TRMT2A: variants seen among roughly 807,000 people sequenced by gnomAD.
TRMT2A encodes the protein tRNA methyltransferase 2A.
TRMT2A carries 60 observed loss-of-function variants against 59.3 expected under a neutral mutation model. The observed-to-expected ratio is 1.01, with a 90% CI of 0.82 to 1.26. The LOEUF (loss-of-function observed/expected upper bound fraction) is 1.26. Among genes scored for constraint, TRMT2A ranks in the 50% most tolerant of loss-of-function variants. TRMT2A has a pLI of 0.00. For missense variants in TRMT2A, 863 were observed against 845.2 expected, an observed-to-expected ratio of 1.02 and a Z score of -0.26; for synonymous variants, 403 against 353.7, an observed-to-expected ratio of 1.14 and a Z score of -1.56.
Position 20,114,682 on chromosome 22 carries a change from C to A in TRMT2A, c.1125G>T (p.Lys375Asn), listed in dbSNP as rs775132876. 97 of 1,613,410 alleles carry A rather than the reference C, an allele frequency of 6.0e-5. No homozygotes were observed. Among genetic ancestry groups the A allele is most frequent in the Non-Finnish European group, 8.0e-5 (94 of 1,179,984 alleles). ...CLYFVEEGQR[K>N]TPSQEGLPLE... ...GGGGCAGGCCCTCCTGGCTAGGAGTCTTTCTGTGGGCGAAGGTGCAGGTCC... is the reference window on the plus strand; with the variant it reads ...GGGGCAGGCCCTCCTGGCTAGGAGTATTTCTGTGGGCGAAGGTGCAGGTCC... Residue 375 changes from lysine to asparagine, a missense_variant, in exon 7 of 12, where the codon AAG becomes AAT. Transcript: ENST00000252136.
Position 20,114,674 on chromosome 22 carries a change from C to G in TRMT2A, c.1133G>C (p.Ser378Thr). 1 of 1,613,546 alleles carries G rather than the reference C, an allele frequency of 6.2e-7. No individual in the cohort carries two copies. The highest frequency in any genetic ancestry group is 8.5e-7 in the Non-Finnish European group (1 of 1,179,998). ...FVEEGQRKTPSQEGLPLEHVA... is the reference protein window; with the variant it reads ...FVEEGQRKTPTQEGLPLEHVA... The stretch of plus-strand genomic sequence containing the variant: ...ATGCTCCAGGGGCAGGCCCTCCTGG[C>G]TAGGAGTCTTTCTGTGGGCGAAGGT... Residue 378 changes from serine (S) to threonine (T), a missense_variant, in exon 7 of 12, where the codon AGC (serine) becomes ACC (threonine). Transcript: ENST00000252136.
At position 20,114,807 on chromosome 22, in the gene TRMT2A, T is replaced by C. The variant is rs77255694; in HGVS notation, c.1075A>G (p.Arg359Gly). Residue 359 changes from arginine (R) to glycine (G), a missense_variant, in exon 6 of 12, where the codon AGG becomes GGG. Physicochemically the swap from Arg to Gly is moderately radical, Grantham distance 125. Transcript: ENST00000252136. The part of the protein sequence containing the change: ...LAQHFTAGPG[R>G]ASGVTCLYFV... Reference sequence around the variant, plus strand: ...TAGAGGCAGGTCACTCCACTGGCCCTGCCTGGCCCTGCTGTGAAGTGCTGC... The same window carrying C: ...TAGAGGCAGGTCACTCCACTGGCCCCGCCTGGCCCTGCTGTGAAGTGCTGC... The C allele has an allele frequency of 3.5e-4, 568 of 1,609,978 alleles. 6 individuals carry two copies. In the East Asian group the frequency reaches 0.013, roughly 36 times the overall value.
chr22:20,114,941 C>G (rs189024426), intron 5 of TRMT2A, 24 bp downstream of exon 5: 1 of 1,572,550 alleles, frequency 6.4e-7, no homozygotes, highest in Middle Eastern at 1.7e-4. Flanking sequence ...AGGCACCCTC[C>G]CCCAGCAGGG....
rs1427652596 is a variant in TRMT2A at position 20,116,553 on chromosome 22, G to A, written c.84C>T (p.Thr28=). The stretch of plus-strand genomic sequence containing the variant: ...CCGGGGCTGCAGGGGGCACCGAGAC[G>A]GTAGGGCAGCTCAGGGCACTGCTGC... ...QESSSALSCP[T]VSVPPAAPAA... The change falls in exon 2 of 12, where the codon ACC becomes ACT. Residue 28 remains threonine (T), a synonymous_variant. Coordinates refer to ENST00000252136, the MANE Select transcript of TRMT2A (RefSeq NM_022727.6). 12 of 1,593,388 alleles carry A rather than the reference G, an allele frequency of 7.5e-6. No individual in the cohort carries two copies. The highest frequency in any genetic ancestry group is 1.1e-5 in the South Asian group (1 of 89,400).
rs1474830669 is a variant in TRMT2A at position 20,116,075 on chromosome 22, G to A, written c.562C>T (p.Gln188Ter). The A allele has an allele frequency of 1.9e-6, 3 of 1,579,988 alleles. No homozygotes were observed. The highest frequency in any genetic ancestry group is 1.8e-5 in the Admixed American group (1 of 57,100). The change falls in exon 2 of 12, where the codon CAG becomes TAG. Residue 188 changes from glutamine to a stop codon, truncating the protein, a stop_gained. Transcript: ENST00000252136. LOFTEE classifies it high-confidence loss of function. ...TGCAGCACCTGCTCGCACTCCAGCT[G>A]CTTCCGCTCAAGCTGCTCAGCATAG... ...VPYAEQLERK[Q>*]LECEQVLQKL... is the part of the protein sequence containing the mutation.
chr22:20,113,405 A>ACCCCC, intron 9 of TRMT2A, 27 bp downstream of exon 9: 1 of 597,490 alleles, frequency 1.7e-6, no homozygotes, highest in Non-Finnish European at 2.6e-6. Flanking sequence ...CCCCATCCCC[A>ACCCCC]CCCCCACCCA....
At position 20,113,775 on chromosome 22, in the gene TRMT2A, C is replaced by T. The variant is rs2147956146; in HGVS notation, c.1267G>A (p.Val423Ile). Reference sequence around the variant, plus strand: ...TCCAATTGGGCCCAGTCCTGGATGACTGTGTAGAGCACCTCGGCTGCGGGT... The same window carrying T: ...TCCAATTGGGCCCAGTCCTGGATGATTGTGTAGAGCACCTCGGCTGCGGGT... ...NTPAAEVLYT[V>I]IQDWAQLDAG... Residue 423 changes from valine (V) to isoleucine (I), a missense_variant, in exon 8 of 12, where the codon GTC becomes ATC. Transcript: ENST00000252136. The T allele has an allele frequency of 1.9e-6, 3 of 1,603,258 alleles. No individual in the cohort carries two copies. Among genetic ancestry groups the T allele is most frequent in the Non-Finnish European group, 2.6e-6 (3 of 1,174,112 alleles).
At chr22:20,113,362 G>T in intron 9 of TRMT2A, 70 bp downstream of exon 9, 1 of 1,556,228 alleles carries the variant, frequency 6.4e-7, no homozygotes, top group Non-Finnish European at 8.7e-7. Context: ...AGCCCTGGCT[G>T]TGGCTGAGGC....
In TRMT2A at chr22:20,116,117, G is replaced by A. The variant is rs775866586; in HGVS notation, c.520C>T (p.Pro174Ser). The change falls in exon 2 of 12, where the codon CCT (proline) becomes TCT (serine). Residue 174 changes from proline to serine, a missense_variant. Transcript: ENST00000252136. Reference protein sequence around the residue: ...PVTRVADVVTPLWTVPYAEQL... With the variant: ...PVTRVADVVTSLWTVPYAEQL... ...TCAGCATAGGGCACTGTCCATAGAG[G>A]GGTCACCACGTCGGCCACTCGTGTT... 1 of 1,612,418 alleles carries A rather than the reference G, an allele frequency of 6.2e-7. No individual in the cohort carries two copies. Among genetic ancestry groups the A allele is most frequent in the Admixed American group, 1.7e-5 (1 of 59,974 alleles).
At chr22:20,114,486 C>A in intron 7 of TRMT2A, 88 bp downstream of exon 7, 1 of 1,116,108 alleles carries the variant, frequency 9.0e-7, no homozygotes, top group South Asian at 1.2e-5. Context: ...CAAATCTCAC[C>A]GCCTGAGCCC....
chr22:20,114,726 G>A (rs772819954), intron 6 of TRMT2A, 35 bp downstream of exon 6: 3 of 1,610,212 alleles, frequency 1.9e-6, no homozygotes, highest in Non-Finnish European at 2.5e-6. Context: ...CACAGTCCCT[G>A]CAGGGACCTG....
In TRMT2A at chr22:20,114,615, G is replaced by C. The variant is rs756828701; in HGVS notation, c.1192C>G (p.Leu398Val). 1.9e-6 allele frequency: 3 copies of C among 1,613,770 alleles called. No individual in the cohort carries two copies. Among genetic ancestry groups the C allele is most frequent in the Non-Finnish European group, 2.5e-6 (3 of 1,180,006 alleles). Residue 398 changes from leucine to valine, a missense_variant, in exon 7 of 12, where the codon CTA becomes GTA. By Grantham distance (32) the Leu-to-Val change is conservative. Coordinates refer to ENST00000252136, the MANE Select transcript of TRMT2A (RefSeq NM_022727.6). ...AGDRCIHEDL[L>V]GLTFRISPHA... Reference sequence around the variant, plus strand: ...GGAGAGATCCGGAAGGTCAGCCCTAGCAGGTCCTCGTGGATGCACCGGTCC... The same window carrying C: ...GGAGAGATCCGGAAGGTCAGCCCTACCAGGTCCTCGTGGATGCACCGGTCC...
At chr22:20,116,862 C>T (rs748193571) in intron 1 of TRMT2A, 21 bp downstream of exon 1, 8 of 1,602,750 alleles carry the variant, frequency 5.0e-6, no homozygotes, top group Admixed American at 3.4e-5. Flanking sequence ...CGTCTCTACC[C>T]AGCGTCTCCC....
rs372566147 is a variant in TRMT2A, at chr22:20,116,593, C to T, written c.44G>A (p.Ser15Asn). The T allele has an allele frequency of 4.3e-5, 66 of 1,552,052 alleles. No homozygotes were observed. The African/African-American group carries it at 7.0e-4, about 17-fold the overall frequency. ...GGCACTGCTGCTCTCCTGGCCACAG[C>T]TCTCCATGGGCTTCGGGCCCTGTGT... Reference protein sequence around the residue: ...LDNEGPKPMESCGQESSSALS... With the variant: ...LDNEGPKPMENCGQESSSALS... Residue 15 changes from serine to asparagine, a missense_variant, in exon 2 of 12, where the codon AGC becomes AAC. By Grantham distance (46) the Ser-to-Asn change is conservative (BLOSUM62 1). Transcript: ENST00000252136.
At position 20,117,015 on chromosome 22, in the gene TRMT2A, G is replaced by A. The variant is rs1161395224; in HGVS notation, c.-109C>T. The stretch of plus-strand genomic sequence containing the variant: ...GCCTGTCACAAGGGAAGTGCTCAGA[G>A]GGGAGGTGCTCACAGAGCCGGTGCA... On this transcript the variant is annotated 5_prime_UTR_variant, in exon 1 of 12. Coordinates refer to ENST00000252136, the MANE Select transcript of TRMT2A (RefSeq NM_022727.6). 5 of 1,422,178 alleles carry A rather than the reference G, an allele frequency of 3.5e-6. No individual in the cohort carries two copies. Among genetic ancestry groups the A allele is most frequent in the African/African-American group, 2.8e-5 (2 of 70,442 alleles). 88.1% of individuals were successfully genotyped at this position (1,422,178 alleles called of 1,614,324 possible).
Position 20,116,523 on chromosome 22 carries a change from G to A in TRMT2A, c.114C>T (p.Ala38=). The change falls in exon 2 of 12, where the codon GCC becomes GCT. Residue 38 remains alanine (A), a synonymous_variant. Transcript: ENST00000252136. ...TVSVPPAAPA[A]LEEVEKEGAG... is the part of the protein sequence containing the mutation. ...CGCCCTCTTTCTCCACCTCCTCCAGGGCTGCCGGGGCTGCAGGGGGCACCG... is the reference window on the plus strand; with the variant it reads ...CGCCCTCTTTCTCCACCTCCTCCAGAGCTGCCGGGGCTGCAGGGGGCACCG... 6.2e-7 allele frequency: 1 copy of A among 1,608,370 alleles called. No homozygotes were observed. The highest frequency in any genetic ancestry group is 8.5e-7 in the Non-Finnish European group (1 of 1,178,444).
Position 20,112,708 on chromosome 22 carries a change from G to A in TRMT2A, c.1733C>T (p.Pro578Leu), listed in dbSNP as rs142476770. ...AAACAGGATGAGCATCTCACAGTGC[G>A]GGGTCTGCGGGAACAGGTCCACTGC... ...AVAVDLFPQT[P>L]HCEMLILFER... Residue 578 changes from proline to leucine, a missense_variant, in exon 12 of 12, where the codon CCG (proline) becomes CTG (leucine). Coordinates refer to ENST00000252136, the MANE Select transcript of TRMT2A (RefSeq NM_022727.6). 3.0e-5 allele frequency: 49 copies of A among 1,613,994 alleles called. No homozygotes were observed. The Middle Eastern group carries it at 6.6e-4, about 22-fold the overall frequency.
Position 20,112,535 on chromosome 22 carries a change from G to A in TRMT2A, c.*28C>T. On this transcript the variant is annotated 3_prime_UTR_variant, in exon 12 of 12. Coordinates refer to ENST00000252136, the MANE Select transcript of TRMT2A (RefSeq NM_022727.6). ...CCCCTGGGGCCCTGGGAGCCCTTCA[G>A]CTCCTGTCCCCATAATGGGTCCTGG... 6.2e-7 allele frequency: 1 copy of A among 1,607,866 alleles called. No individual in the cohort carries two copies. Among genetic ancestry groups the A allele is most frequent in the Admixed American group, 1.7e-5 (1 of 59,652 alleles).
In TRMT2A at chr22:20,113,452, C is replaced by T. The variant is rs545196562; in HGVS notation, c.1412G>A (p.Arg471Gln). The T allele has an allele frequency of 2.8e-5, 45 of 1,612,714 alleles. No individual in the cohort carries two copies. The highest frequency in any genetic ancestry group is 7.7e-5 in the South Asian group (7 of 91,052). Residue 471 changes from arginine (R) to glutamine (Q), a missense_variant, in exon 9 of 12, where the codon CGG (arginine) becomes CAG (glutamine). By Grantham distance (43) the Arg-to-Gln change is conservative (BLOSUM62 1). Coordinates refer to ENST00000252136, the MANE Select transcript of TRMT2A (RefSeq NM_022727.6). ...ELCPEAVEDA[R>Q]VNAQDNELSN... ...CTCACCATTGTCCTGGGCGTTCACCCGGGCGTCCTCCACAGCCTCTGGGCA... is the reference window on the plus strand; with the variant it reads ...CTCACCATTGTCCTGGGCGTTCACCTGGGCGTCCTCCACAGCCTCTGGGCA...
Sources: allele counts gnomAD v4.1 joint callset, GRCh38; gene constraint gnomAD v4.1.1; transcripts MANE v1.5; gene names NCBI Gene and HGNC (gene_info 2026-07-23, HGNC 2026-07-21).